MDGA2: variants seen among roughly 807,000 people sequenced by gnomAD.
MDGA2 encodes MAM domain containing glycosylphosphatidylinositol anchor 2, also known as MAM domain-containing glycosylphosphatidylinositol anchor protein 2.
Under a neutral mutation model 117.8 loss-of-function variants are expected in MDGA2, and 40 were observed. The observed-to-expected ratio is 0.34, with a 90% CI of 0.26 to 0.44. MDGA2 has a LOEUF of 0.44. MDGA2 is among the 20% of genes least tolerant of loss of function. The probability of loss-of-function intolerance (pLI) is 1.00; values close to 1 mark genes in which losing one functional copy is unlikely to be tolerated. For synonymous variants in MDGA2, 452 were observed against 439.0 expected (o/e 1.03, Z -0.37); for missense variants, 1,123 against 1,250.6 (o/e 0.90, Z 1.54).
intron 3 of MDGA2, among the ~76,000 whole-genome samples, chr14:47,158,363 G>GGTGTGTGTGTGTGTGTGT (rs34198544): frequency 6.8e-6 from 1 of 146,682 alleles, no homozygotes; most frequent in African/African-American, 2.5e-5. Flanking sequence ...CCCTGGGGTG[G>GGTGTGTGTGTGTGTGTGT]GTGTGTGTGT....
rs1012025505 is a variant in MDGA2 at position 47,674,558 on chromosome 14, A to G, written c.239T>C (p.Leu80Pro). Residue 80 changes from leucine to proline, a missense_variant, in exon 1 of 17, where the codon CTG becomes CCG. By Grantham distance (98) the Leu-to-Pro change is moderately conservative. This residue lies in a region of MDGA2 where 233 missense variants were observed against 200.3 expected (regional missense o/e 1.16). Transcript: ENST00000399232. ...AGAGATCCCCTCCAGGAGGACTGTC[A>G]GCAGCCACACGAGACCGTACAGTAA... ...MDLLYGLVWL[L>P]TVLLEGISGQ... 4 of 1,551,258 alleles carry G rather than the reference A, an allele frequency of 2.6e-6. No individual in the cohort carries two copies. Among genetic ancestry groups the G allele is most frequent in the Non-Finnish European group, 2.6e-6 (3 of 1,146,860 alleles).
At position 47,674,702 on chromosome 14, in the gene MDGA2, G is replaced by T. The variant is rs1476781820; in HGVS notation, c.95C>A (p.Pro32His). ...GRRFLLRRAV[P>H]GHLGLARARV... ...CGCCCGGGCCAAGCCGAGGTGCCCG[G>T]GAACCGCTCGCCGAAGGAGGAAGCG... The change falls in exon 1 of 17, where the codon CCC (proline) becomes CAC (histidine). Residue 32 changes from proline (P) to histidine (H), a missense_variant. By Grantham distance (77) the Pro-to-His change is moderately conservative. Around this residue, in one of 2 missense-constraint regions of MDGA2, gnomAD observed 233 missense variants for 200.3 expected, o/e 1.16. Coordinates refer to ENST00000399232, the MANE Select transcript of MDGA2 (RefSeq NM_001113498.3). 4.4e-5 allele frequency: 44 copies of T among 1,005,528 alleles called. No individual in the cohort carries two copies. The highest frequency in any genetic ancestry group is 6.3e-5 in the Non-Finnish European group (41 of 650,854). 62.3% of individuals were successfully genotyped at this position (1,005,528 alleles called of 1,614,324 possible). A position where few individuals can be genotyped will look rare whatever the true frequency, so the allele number is the denominator to read the frequency against.
intron 1 of MDGA2, among the ~76,000 whole-genome samples, chr14:47,452,993 T>C (rs572599527): frequency 1.2e-4 from 18 of 152,104 alleles, no homozygotes; most frequent in Non-Finnish European, 2.2e-4. Context: ...TATATAGTTT[T>C]ATTATATTAT....
At chr14:47,161,068 TTTTA>T (rs1202254002) in intron 3 of MDGA2, among the ~76,000 whole-genome samples, 1 of 152,176 alleles carries the variant, frequency 6.6e-6, no homozygotes, top group Non-Finnish European at 1.5e-5. Flanking sequence ...GGTTTGTCAT[TTTTA>T]TTTTTCTTTT....
intron 5 of MDGA2, among the ~76,000 whole-genome samples, chr14:47,126,288 C>A (rs1881898693): frequency 6.6e-6 from 1 of 152,042 alleles, no homozygotes; most frequent in African/African-American, 2.4e-5. Context: ...ACCAAAACAA[C>A]TTCTAGACCC....
chr14:47,501,477 T>C lies in MDGA2; in HGVS notation c.280+173040A>G, dbSNP rs190079010. On this transcript the variant is annotated intron_variant, in intron 1 of 16. Coordinates refer to ENST00000399232, the MANE Select transcript of MDGA2 (RefSeq NM_001113498.3). ...TTTGTAAATAATGGTGTTAGATAGATTAATGTTTATTATGAGTTGAACTGT... is the reference window on the plus strand; with the variant it reads ...TTTGTAAATAATGGTGTTAGATAGACTAATGTTTATTATGAGTTGAACTGT... 6.4e-4 allele frequency among the ~76,000 whole-genome samples: 98 copies of C among 152,290 alleles called. 1 individual carries two copies. Among genetic ancestry groups the C allele is most frequent in the Middle Eastern group, 3.4e-3 (1 of 294 alleles).
chr14:47,420,699 G>A (rs1431959825), intron 1 of MDGA2, among the ~76,000 whole-genome samples: 1 of 152,034 alleles, frequency 6.6e-6, no homozygotes, highest in Non-Finnish European at 1.5e-5. Flanking sequence ...AGGTATTACA[G>A]ACCTTGACTG....
At chr14:47,324,960 A>G (rs966511802) in intron 1 of MDGA2, among the ~76,000 whole-genome samples, 1 of 152,164 alleles carries the variant, frequency 6.6e-6, no homozygotes, top group Non-Finnish European at 1.5e-5. Flanking sequence ...TCAAGGGAAA[A>G]TAGGCCCATA....
At chr14:47,117,848 T>C (rs955353797) in intron 5 of MDGA2, among the ~76,000 whole-genome samples, 1 of 152,172 alleles carries the variant, frequency 6.6e-6, no homozygotes, top group Admixed American at 6.5e-5. Context: ...ATTGCAATTA[T>C]AGTCAACAAT....
intron 1 of MDGA2, among the ~76,000 whole-genome samples, chr14:47,511,019 C>A (rs769935446): frequency 7.2e-5 from 11 of 152,106 alleles, no homozygotes; most frequent in Non-Finnish European, 1.6e-4. Context: ...TTTATTATGG[C>A]AGATATTGTA....
At chr14:46,887,544 G>T (rs1041441402) in intron 10 of MDGA2, among the ~76,000 whole-genome samples, 1 of 151,886 alleles carries the variant, frequency 6.6e-6, no homozygotes, top group African/African-American at 2.4e-5. Context: ...TGGCCTCCAA[G>T]GAGTACGGCA....
At chr14:47,232,482 G>GT (rs1374389980) in intron 2 of MDGA2, among the ~76,000 whole-genome samples, 1 of 152,058 alleles carries the variant, frequency 6.6e-6, no homozygotes, top group Non-Finnish European at 1.5e-5. Flanking sequence ...ATCCACTTGT[G>GT]TTTAAACAAG....
At chr14:47,211,589 T>G (rs1885886004) in intron 3 of MDGA2, among the ~76,000 whole-genome samples, 1 of 152,174 alleles carries the variant, frequency 6.6e-6, no homozygotes, top group South Asian at 2.1e-4. Context: ...AGGTAGATAT[T>G]ATCTTTACTA....
intron 1 of MDGA2, among the ~76,000 whole-genome samples, chr14:47,394,277 T>G (rs1891958922): frequency 6.6e-6 from 1 of 152,184 alleles, no homozygotes; most frequent in Non-Finnish European, 1.5e-5. Flanking sequence ...CACTGAGGTT[T>G]TGCATAAACA....
At chr14:47,571,502 C>T (rs543067113) in intron 1 of MDGA2, among the ~76,000 whole-genome samples, 2 of 152,230 alleles carry the variant, frequency 1.3e-5, no homozygotes, top group East Asian at 3.9e-4. Flanking sequence ...TTGGGACCAA[C>T]CCAAATGTCC....
At position 47,251,497 on chromosome 14, in the gene MDGA2, T is replaced by A. The variant is rs149720106; in HGVS notation, c.421-33302A>T. ...AATTTTTTTAAAAAAACACTTGACG[T>A]TGTCTACTATATAACTCATTACCCC... On this transcript the variant is annotated intron_variant, in intron 2 of 16. Coordinates refer to ENST00000399232, the MANE Select transcript of MDGA2 (RefSeq NM_001113498.3). 1.3e-3 allele frequency among the ~76,000 whole-genome samples: 199 copies of A among 152,308 alleles called. 3 individuals carry two copies. The highest frequency in any genetic ancestry group is 3.4e-3 in the Middle Eastern group (1 of 294).
intron 14 of MDGA2, chr14:46,870,805 T>C (rs1256318957): frequency 1.3e-5 from 2 of 151,934 alleles, no homozygotes; most frequent in Non-Finnish European, 2.9e-5. Context: ...CTAACAACTA[T>C]TAAGTTAAAA....
chr14:47,564,602 T>C (rs779642954), intron 1 of MDGA2, among the ~76,000 whole-genome samples: 2 of 152,204 alleles, frequency 1.3e-5, no homozygotes, highest in Non-Finnish European at 1.5e-5. Context: ...GTGAGAATTA[T>C]GGAAGTTCAA....
chr14:47,155,229 T>C lies in MDGA2; in HGVS notation c.596-10955A>G, dbSNP rs139298040. Among the ~76,000 whole-genome samples, 15 of 152,256 alleles carry C rather than the reference T, an allele frequency of 9.9e-5. No individual in the cohort carries two copies. In the East Asian group the frequency reaches 2.5e-3, roughly 26 times the overall value. On this transcript the variant is annotated intron_variant, in intron 3 of 16. Coordinates refer to ENST00000399232, the MANE Select transcript of MDGA2 (RefSeq NM_001113498.3). ...CTCTTCGCCTTGCTCACGCCTGTAGTTGTCCTTGTACCTCATGCTCACTGG... is the reference window on the plus strand; with the variant it reads ...CTCTTCGCCTTGCTCACGCCTGTAGCTGTCCTTGTACCTCATGCTCACTGG...
Sources: gnomAD v4.1 joint callset for allele counts (sites outside exome capture counted in the v4.1 genomes callset) on GRCh38, gnomAD v4.1.1 for gene constraint, gnomAD v4.1.1 regional missense constraint, MANE v1.5 for transcripts, NCBI Gene and HGNC (gene_info 2026-07-23, HGNC 2026-07-21) for gene names.